Variants in AGMO observed in about 807,000 individuals in gnomAD.
AGMO encodes the protein glyceryl-ether monooxygenase.
AGMO carries 75 observed loss-of-function variants against 60.2 expected under a neutral mutation model. The observed-to-expected ratio is 1.25, with a 90% confidence interval of 1.03 to 1.51. AGMO has a LOEUF of 1.51. AGMO is among the 40% of genes most tolerant of loss of function. The pLI is 0.00. For synonymous variants in AGMO, 261 were observed against 177.1 expected, an observed-to-expected ratio of 1.47 and a Z score of -3.76; for missense variants, 763 against 525.5, an observed-to-expected ratio of 1.45 and a Z score of -4.42.
chr7:15,163,165 T>C, the AGMO span, among the ~76,000 whole-genome samples: 10 of 152,172 alleles, frequency 6.6e-5, no homozygotes, highest in African/African-American at 1.4e-4. Flanking sequence ...TTTTTGTACA[T>C]TGATTTTGTA....
chr7:15,528,345 C>G (rs1784180228), intron 3 of AGMO, among the ~76,000 whole-genome samples: 1 of 152,002 alleles, frequency 6.6e-6, no homozygotes, highest in Non-Finnish European at 1.5e-5. Flanking sequence ...GTGTGAGTTT[C>G]TTGATTGCGA....
At chr7:15,312,426 A>G (rs1478971563) in intron 12 of AGMO, among the ~76,000 whole-genome samples, 1 of 151,836 alleles carries the variant, frequency 6.6e-6, no homozygotes, top group African/African-American at 2.4e-5. Flanking sequence ...GAGTGTTAGA[A>G]TGAGGGCTGA....
At chr7:15,167,195 T>C in the AGMO span, among the ~76,000 whole-genome samples, 1 of 152,154 alleles carries the variant, frequency 6.6e-6, no homozygotes, top group Non-Finnish European at 1.5e-5. Flanking sequence ...CACTGAAATA[T>C]ACTAAAAAAT....
chr7:15,263,540 C>T (rs1407749136), intron 12 of AGMO, among the ~76,000 whole-genome samples: 1 of 152,052 alleles, frequency 6.6e-6, no homozygotes, highest in Non-Finnish European at 1.5e-5. Context: ...AGTAGATTTA[C>T]CGTTTGATCA....
intron 3 of AGMO, among the ~76,000 whole-genome samples, chr7:15,510,247 C>G (rs1438377913): frequency 6.6e-6 from 1 of 152,078 alleles, no homozygotes; most frequent in Non-Finnish European, 1.5e-5. Context: ...CTCACTGCAG[C>G]CTCCACCTCC....
At chr7:15,398,185 T>C (rs1784462033) in intron 5 of AGMO, among the ~76,000 whole-genome samples, 1 of 152,108 alleles carries the variant, frequency 6.6e-6, no homozygotes, top group African/African-American at 2.4e-5. Flanking sequence ...GAATTTCTGA[T>C]CCTAGGCCCT....
intron 12 of AGMO, among the ~76,000 whole-genome samples, chr7:15,220,297 G>A (rs961833508): frequency 7.1e-6 from 1 of 141,544 alleles, no homozygotes; most frequent in Admixed American, 7.6e-5. Flanking sequence ...TGGGCTCACT[G>A]CAACCTCTGC....
intron 10 of AGMO, among the ~76,000 whole-genome samples, chr7:15,369,139 G>A (rs1460883158): frequency 6.6e-6 from 1 of 151,904 alleles, no homozygotes; most frequent in East Asian, 1.9e-4. Flanking sequence ...CAGAATAAAA[G>A]CATGTGTTAC....
intron 12 of AGMO, among the ~76,000 whole-genome samples, chr7:15,224,120 G>T (rs893257166): frequency 1.3e-5 from 2 of 151,862 alleles, no homozygotes; most frequent in Non-Finnish European, 2.9e-5. Context: ...TTCTAAGAAG[G>T]TATGGTGAGT....
At chr7:15,510,296 G>A (rs1192334771) in intron 3 of AGMO, among the ~76,000 whole-genome samples, 1 of 151,974 alleles carries the variant, frequency 6.6e-6, no homozygotes, top group Non-Finnish European at 1.5e-5. Context: ...CTCCCTAGTA[G>A]CTAGGACTAT....
rs117940594 is a variant in AGMO, at chr7:15,298,876, G to A, written c.1263+66638C>T. On this transcript the variant is annotated intron_variant, in intron 12 of 12. Transcript: ENST00000342526. ...TAACATATCTTCTGATTTTCTTATTGTCCACCCCTCTAATTCATCACTCTT... is the reference window on the plus strand; with the variant it reads ...TAACATATCTTCTGATTTTCTTATTATCCACCCCTCTAATTCATCACTCTT... Among the ~76,000 whole-genome samples the A allele has an allele frequency of 5.4e-3, 815 of 151,902 alleles. 5 individuals carry two copies. The highest frequency in any genetic ancestry group is 8.3e-3 in the Non-Finnish European group (563 of 67,970).
the AGMO span, among the ~76,000 whole-genome samples, chr7:15,128,832 G>A: frequency 6.6e-6 from 1 of 152,086 alleles, no homozygotes; most frequent in Admixed American, 6.6e-5. Flanking sequence ...CATGAGGAAA[G>A]CCTGTTTATT....
In AGMO at chr7:15,492,654, G is replaced by A. The variant is rs530689836; in HGVS notation, c.409+52118C>T. On this transcript the variant is annotated intron_variant, in intron 3 of 12. Transcript: ENST00000342526. ...AATTTTTTACTAGGTCATAAGGTCAGTGAAGACAGAAACCTTCTTTATCTA... is the reference window on the plus strand; with the variant it reads ...AATTTTTTACTAGGTCATAAGGTCAATGAAGACAGAAACCTTCTTTATCTA... 1.1e-3 allele frequency among the ~76,000 whole-genome samples: 166 copies of A among 152,044 alleles called. 1 individual carries two copies. Among genetic ancestry groups the A allele is most frequent in the Non-Finnish European group, 2.1e-3 (143 of 67,998 alleles).
intron 3 of AGMO, among the ~76,000 whole-genome samples, chr7:15,441,298 C>T (rs9639237): frequency 0.36 from 54,838 of 152,004 alleles, 11,233 homozygotes; most frequent in Non-Finnish European, 0.48. Flanking sequence ...TAAAAGTTAT[C>T]AGTACTACAT....
At chr7:15,373,468 G>A (rs894658546) in intron 10 of AGMO, among the ~76,000 whole-genome samples, 4 of 152,176 alleles carry the variant, frequency 2.6e-5, no homozygotes, top group Non-Finnish European at 4.4e-5. Context: ...CATGTTTGAC[G>A]CCATGTTACT....
Position 15,366,204 on chromosome 7 carries a change from G to C in AGMO, c.1093C>G (p.Leu365Val). The C allele has an allele frequency of 6.2e-7, 1 of 1,606,856 alleles. No homozygotes were observed. Among genetic ancestry groups the C allele is most frequent in the Non-Finnish European group, 8.5e-7 (1 of 1,176,070 alleles). ...ADTAALSQVTLLLRVCFIILT... is the reference protein window; with the variant it reads ...ADTAALSQVTVLLRVCFIILT... ...ATAATGAAGCAAACCCTCAGAAGGA[G>C]AGTAACTTGCGACAGTGCCTGTCAA... The change falls in exon 11 of 13, where the codon CTC becomes GTC. Residue 365 changes from leucine (L) to valine (V), a missense_variant. Leu to Val is a conservative substitution (Grantham distance 32). Coordinates refer to ENST00000342526, the MANE Select transcript of AGMO (RefSeq NM_001004320.2).
chr7:15,156,737 C>G, the AGMO span, among the ~76,000 whole-genome samples: 319 of 152,258 alleles, frequency 2.1e-3, no homozygotes, highest in African/African-American at 7.2e-3. Flanking sequence ...GGTCTGTATC[C>G]TCCCTCTGTC....
rs546426398 is a variant in AGMO at position 15,363,789 on chromosome 7, T to C, written c.1263+1725A>G. ...GCTAATGTAAGGAACCTATGTTCTCTATTTCCTTCTGGTGTGTGTAAGATA... is the reference window on the plus strand; with the variant it reads ...GCTAATGTAAGGAACCTATGTTCTCCATTTCCTTCTGGTGTGTGTAAGATA... On this transcript the variant is annotated intron_variant, in intron 12 of 12. Coordinates refer to ENST00000342526, the MANE Select transcript of AGMO (RefSeq NM_001004320.2). Among the ~76,000 whole-genome samples, 3 of 152,254 alleles carry C rather than the reference T, an allele frequency of 2.0e-5. No individual in the cohort carries two copies. In the East Asian group the frequency reaches 5.8e-4, roughly 29 times the overall value.
chr7:15,343,889 A>G (rs1315584213), intron 12 of AGMO, among the ~76,000 whole-genome samples: 1 of 152,204 alleles, frequency 6.6e-6, no homozygotes, highest in Non-Finnish European at 1.5e-5. Context: ...GCATAGTTTA[A>G]AAGTTGACAT....
Sources: allele counts gnomAD v4.1 joint callset (sites outside exome capture counted in the v4.1 genomes callset), GRCh38; gene constraint gnomAD v4.1.1; transcripts MANE v1.5; gene names NCBI Gene and HGNC (gene_info 2026-07-23, HGNC 2026-07-21).